PIK3R5: variants seen among roughly 807,000 people sequenced by gnomAD.
PIK3R5 encodes the protein phosphoinositide-3-kinase regulatory subunit 5.
A neutral mutation model predicts 94.9 loss-of-function variants in PIK3R5; 32 were observed. The ratio of observed to expected loss-of-function variants is 0.34; its 90% CI spans 0.25 to 0.45. The LOEUF is 0.45. Ranked by LOEUF, PIK3R5 falls within the 20% of genes least tolerant of loss-of-function variation. The pLI, the probability that PIK3R5 is intolerant of heterozygous loss-of-function variation, is 1.00. For synonymous variants in PIK3R5, 443 were observed against 479.4 expected (o/e 0.92, Z 0.99); for missense variants, 853 against 1,144.6 (o/e 0.75, Z 3.68).
rs1372985632 is a variant in PIK3R5, at chr17:8,962,126, C to T, written c.-14+3470G>A. Among the ~76,000 whole-genome samples the T allele has an allele frequency of 2.0e-5, 3 of 152,216 alleles. No homozygotes were observed. The East Asian group carries it at 5.8e-4, about 29-fold the overall frequency. On this transcript the variant is annotated intron_variant, in intron 1 of 18. Coordinates refer to ENST00000447110, the MANE Select transcript of PIK3R5 (RefSeq NM_001142633.3). ...GACGCCAGAGTCAGCCCAGCTCTGG[C>T]ACCACCTAAATGTGTGGCCTTGGCC...
intron 1 of PIK3R5, among the ~76,000 whole-genome samples, chr17:8,953,877 C>T (rs1293838075): frequency 2.0e-5 from 3 of 152,116 alleles, no homozygotes; most frequent in Non-Finnish European, 4.4e-5. Context: ...CTAGGGCTGC[C>T]ACAGTCCTTG....
chr17:8,898,680 C>A (rs1383253052), intron 5 of PIK3R5, among the ~76,000 whole-genome samples: 1 of 152,128 alleles, frequency 6.6e-6, no homozygotes, highest in Non-Finnish European at 1.5e-5. Context: ...CCATAAGCAA[C>A]CCTGGCATCA....
At chr17:8,920,625 C>A (rs1008274338) in intron 1 of PIK3R5, among the ~76,000 whole-genome samples, 6 of 152,280 alleles carry the variant, frequency 3.9e-5, no homozygotes, top group Admixed American at 1.3e-4. Context: ...TTGGTCTGTT[C>A]AGGTATTGAA....
At chr17:8,960,664 C>T (rs943340110) in intron 1 of PIK3R5, among the ~76,000 whole-genome samples, 5 of 152,230 alleles carry the variant, frequency 3.3e-5, no homozygotes, top group East Asian at 1.9e-4. Flanking sequence ...GCAAAGATCA[C>T]GTGGCTAGGA....
At chr17:8,957,226 A>G (rs1321868788) in intron 1 of PIK3R5, among the ~76,000 whole-genome samples, 1 of 152,138 alleles carries the variant, frequency 6.6e-6, no homozygotes, top group Middle Eastern at 3.2e-3. Context: ...AATATATAAC[A>G]TGTATTTTCC....
At chr17:8,934,632 C>T (rs940336332) in intron 1 of PIK3R5, among the ~76,000 whole-genome samples, 5 of 152,176 alleles carry the variant, frequency 3.3e-5, no homozygotes, top group Admixed American at 1.3e-4. Flanking sequence ...CAAAGTTGGA[C>T]GACTCATCCT....
chr17:8,886,756 C>A, intron 12 of PIK3R5, 151 bp from the exon 13 acceptor site: 1 of 931,454 alleles, frequency 1.1e-6, no homozygotes, highest in Non-Finnish European at 1.6e-6. Flanking sequence ...AGGGGAGGGC[C>A]GGTGCCCAGC....
At chr17:8,907,729 T>A (rs1000866713) in intron 3 of PIK3R5, among the ~76,000 whole-genome samples, 9 of 151,674 alleles carry the variant, frequency 5.9e-5, no homozygotes, top group African/African-American at 2.2e-4. Flanking sequence ...AGCCTTGACC[T>A]CCTGGGCTCA....
intron 1 of PIK3R5, among the ~76,000 whole-genome samples, chr17:8,964,193 A>G (rs2091620416): frequency 6.6e-6 from 1 of 152,080 alleles, no homozygotes; most frequent in Admixed American, 6.6e-5. Context: ...GGAATTTGGG[A>G]CCAACCTGGG....
chr17:8,883,765 A>G (rs2089740561), intron 15 of PIK3R5, among the ~76,000 whole-genome samples: 2 of 152,148 alleles, frequency 1.3e-5, no homozygotes, highest in Admixed American at 1.3e-4. Context: ...GCATCATCGA[A>G]CCAATGCCTA....
intron 1 of PIK3R5, among the ~76,000 whole-genome samples, chr17:8,958,102 G>A (rs1051839297): frequency 1.3e-5 from 2 of 152,140 alleles, no homozygotes; most frequent in African/African-American, 2.4e-5. Context: ...CTTGAGGCCA[G>A]GAGTTCGAGA....
intron 1 of PIK3R5, among the ~76,000 whole-genome samples, chr17:8,921,675 C>T (rs1471503033): frequency 2.6e-5 from 4 of 151,774 alleles, no homozygotes; most frequent in South Asian, 2.1e-4. Flanking sequence ...TAAAAATATG[C>T]AATATTTTTA....
In PIK3R5 at chr17:8,935,836, C is replaced by T. The variant is rs906388033; in HGVS notation, c.-13-24329G>A. Among the ~76,000 whole-genome samples, 3 of 152,020 alleles carry T rather than the reference C, an allele frequency of 2.0e-5. No individual in the cohort carries two copies. The highest frequency in any genetic ancestry group is 1.5e-5 in the Non-Finnish European group (1 of 67,994). On this transcript the variant is annotated intron_variant, in intron 1 of 18. Coordinates refer to ENST00000447110, the MANE Select transcript of PIK3R5 (RefSeq NM_001142633.3). The surrounding 1 kb of genome is among the most constrained non-coding windows in gnomAD (Gnocchi z 4.5). ...TTGGGAGGCTGAGGCGGGCGGATCACGAGGTCAGGAGATCGAGACTATACT... is the reference window on the plus strand; with the variant it reads ...TTGGGAGGCTGAGGCGGGCGGATCATGAGGTCAGGAGATCGAGACTATACT...
Position 8,888,791 on chromosome 17 carries a change from C to G in PIK3R5, c.996G>C (p.Glu332Asp). The G allele has an allele frequency of 1.2e-6, 2 of 1,612,018 alleles. No homozygotes were observed. Among genetic ancestry groups the G allele is most frequent in the East Asian group, 2.2e-5 (1 of 44,882 alleles). Residue 332 changes from glutamate (E) to aspartate (D), a missense_variant, in exon 10 of 19, where the codon GAG (glutamate) becomes GAC (aspartate). Glu to Asp is a conservative substitution (Grantham distance 45, BLOSUM62 2). Coordinates refer to ENST00000447110, the MANE Select transcript of PIK3R5 (RefSeq NM_001142633.3). This position sits in a 1 kb window ranked among gnomAD's most constrained non-coding sequence, Gnocchi z 7.8. ...EEEEEEEEVE[E>D]DLETDGHCAE... ...CACAGTGCCCGTCAGTTTCCAAGTC[C>G]TCCTCCACCTCCTCCTCCTCCTCTT...
chr17:8,956,110 G>A (rs1437970981), intron 1 of PIK3R5, among the ~76,000 whole-genome samples: 1 of 151,964 alleles, frequency 6.6e-6, no homozygotes. Flanking sequence ...ACAGTGATCT[G>A]TGATCGTGCC....
intron 3 of PIK3R5, among the ~76,000 whole-genome samples, chr17:8,906,394 A>G (rs980774687): frequency 1.3e-5 from 2 of 152,102 alleles, no homozygotes; most frequent in Non-Finnish European, 2.9e-5. Flanking sequence ...CCTTCTGGTT[A>G]TACATTTACC....
In PIK3R5 at chr17:8,935,426, T is replaced by G. The variant is rs539116150; in HGVS notation, c.-13-23919A>C. On this transcript the variant is annotated intron_variant, in intron 1 of 18. Transcript: ENST00000447110. The surrounding 1 kb of genome is among the most constrained non-coding windows in gnomAD (Gnocchi z 4.5). ...CCCAGTGAGTCAGTCTTCAGAGGTG[T>G]TGAACGAGTCGTTTTTGGCCACCCA... is the stretch of plus-strand genomic sequence containing the variant. 6.6e-6 allele frequency among the ~76,000 whole-genome samples: 1 copy of G among 152,246 alleles called. No individual in the cohort carries two copies. The highest frequency in any genetic ancestry group is 1.9e-4 in the East Asian group (1 of 5,180).
chr17:8,890,083 G>A lies in PIK3R5; in HGVS notation c.701C>T (p.Ala234Val). The change falls in exon 8 of 19, where the codon GCA becomes GTA. Residue 234 changes from alanine to valine, a missense_variant. Physicochemically the swap from Ala to Val is moderately conservative, Grantham distance 64 (BLOSUM62 0). Around this residue, in one of 6 missense-constraint regions of PIK3R5, gnomAD observed 161 missense variants for 249.5 expected, o/e 0.65. Coordinates refer to ENST00000447110, the MANE Select transcript of PIK3R5 (RefSeq NM_001142633.3). This position sits in a 1 kb window ranked among gnomAD's most constrained non-coding sequence, Gnocchi z 6.1. ...GCCAGATGCCAGCTCCTGTGCCTCT[G>A]CGGTCTCCGTGAAGATGTCCTCAAG... ...AELEDIFTET[A>V]EAQELASGIG... 4.3e-6 allele frequency: 7 copies of A among 1,614,020 alleles called. No individual in the cohort carries two copies. The highest frequency in any genetic ancestry group is 5.9e-6 in the Non-Finnish European group (7 of 1,179,986).
At chr17:8,959,623 G>C (rs2091525089) in intron 1 of PIK3R5, among the ~76,000 whole-genome samples, 1 of 152,234 alleles carries the variant, frequency 6.6e-6, no homozygotes, top group South Asian at 2.1e-4. Flanking sequence ...GCTCGGCCAG[G>C]TTGGGTGGAA....
Sources: gnomAD v4.1 joint callset for allele counts (sites outside exome capture counted in the v4.1 genomes callset) on GRCh38, gnomAD v4.1.1 for gene constraint, gnomAD v4.1.1 regional missense constraint, Gnocchi (gnomAD v3.1) non-coding constraint, MANE v1.5 for transcripts, NCBI Gene and HGNC (gene_info 2026-07-23, HGNC 2026-07-21) for gene names.